Variants in FLRT2 observed in about 807,000 individuals in gnomAD.
The protein encoded by FLRT2 is fibronectin leucine rich transmembrane protein 2, also known as leucine-rich repeat transmembrane protein FLRT2.
In FLRT2, 15 loss-of-function variants were observed where a neutral mutation model predicts 40.0. The observed-to-expected ratio is 0.38, with a 90% CI of 0.25 to 0.58. The LOEUF is 0.58. FLRT2 is among the 20% of genes least tolerant of loss of function. FLRT2 has a pLI of 0.71. For synonymous variants in FLRT2, 380 were observed against 336.8 expected (o/e 1.13, Z -1.41); for missense variants, 726 against 840.0 (o/e 0.86, Z 1.68).
chr14:85,606,074 A>C (rs887838276), intron 1 of FLRT2, among the ~76,000 whole-genome samples: 2 of 152,078 alleles, frequency 1.3e-5, no homozygotes, highest in Non-Finnish European at 2.9e-5. Flanking sequence ...ACCATGAGTA[A>C]CTCCTTTTTG....
At chr14:85,557,949 A>T (rs1257219702) in intron 1 of FLRT2, among the ~76,000 whole-genome samples, 1 of 151,928 alleles carries the variant, frequency 6.6e-6, no homozygotes, top group African/African-American at 2.4e-5. Flanking sequence ...TCAAACTGGG[A>T]TCTTTTTCAG....
chr14:85,600,457 GCC>G (rs893796676), intron 1 of FLRT2, among the ~76,000 whole-genome samples: 14 of 152,168 alleles, frequency 9.2e-5, no homozygotes, highest in Admixed American at 4.6e-4. Context: ...TATGAGGACT[GCC>G]CACGTTTATG....
At position 85,649,736 on chromosome 14, in the gene FLRT2, A is replaced by G. The variant is rs894180170; in HGVS notation, c.*26239A>G. On this transcript the variant is annotated 3_prime_UTR_variant, in exon 2 of 2. Coordinates refer to ENST00000330753, the MANE Select transcript of FLRT2 (RefSeq NM_013231.6). ...TTATATCATTAATATTTTTGTGTCA[A>G]TGGTGAGTTCTTCTTTTTTCTTTAC... The G allele has an allele frequency of 6.6e-6, 1 of 152,066 alleles. No homozygotes were observed. The highest frequency in any genetic ancestry group is 6.6e-5 in the Admixed American group (1 of 15,242). 9.4% of individuals were successfully genotyped at this position (152,066 alleles called of 1,614,324 possible).
intron 1 of FLRT2, among the ~76,000 whole-genome samples, chr14:85,590,327 T>G (rs66962471): frequency 0.3 from 45,426 of 152,060 alleles, 7,529 homozygotes; most frequent in African/African-American, 0.44. Flanking sequence ...TCCTTCCTCT[T>G]AACCCATGTG....
intron 1 of FLRT2, among the ~76,000 whole-genome samples, chr14:85,585,640 T>A: frequency 6.6e-6 from 1 of 152,210 alleles, no homozygotes; most frequent in East Asian, 1.9e-4. Context: ...ATTTGTATTG[T>A]ATTTCTTTAT....
intron 1 of FLRT2, among the ~76,000 whole-genome samples, chr14:85,575,999 G>A (rs1891112372): frequency 6.6e-6 from 1 of 152,040 alleles, no homozygotes; most frequent in African/African-American, 2.4e-5. Context: ...CATTTGTGAG[G>A]GTATATTCTA....
intron 1 of FLRT2, among the ~76,000 whole-genome samples, chr14:85,538,332 A>T (rs1333020754): frequency 6.6e-6 from 1 of 152,190 alleles, no homozygotes; most frequent in African/African-American, 2.4e-5. Context: ...TATTCTGCTG[A>T]TACTTACTAA....
intron 1 of FLRT2, among the ~76,000 whole-genome samples, chr14:85,545,983 G>A (rs1440694648): frequency 6.6e-6 from 1 of 152,168 alleles, no homozygotes; most frequent in Non-Finnish European, 1.5e-5. Context: ...CAGCTTCACT[G>A]GTTTTCAAAA....
chr14:85,570,111 C>T (rs192354392), intron 1 of FLRT2, among the ~76,000 whole-genome samples: 20 of 152,328 alleles, frequency 1.3e-4, no homozygotes, highest in Admixed American at 2.6e-4. Context: ...ACAGCCATCA[C>T]CCAAGAGGGT....
chr14:85,608,069 T>G (rs1892702821), intron 1 of FLRT2, among the ~76,000 whole-genome samples: 1 of 152,064 alleles, frequency 6.6e-6, no homozygotes, highest in Non-Finnish European at 1.5e-5. Flanking sequence ...CCACCTTAAT[T>G]ACTTTATTTT....
chr14:85,653,669 T>C lies in FLRT2; in HGVS notation c.*30172T>C, dbSNP rs1448699431. The C allele has an allele frequency of 6.6e-6, 1 of 152,140 alleles. No homozygotes were observed. Among genetic ancestry groups the C allele is most frequent in the African/African-American group, 2.4e-5 (1 of 41,410 alleles). 9.4% of individuals were successfully genotyped at this position (152,140 alleles called of 1,614,324 possible). A position where few individuals can be genotyped will look rare whatever the true frequency, so the allele number is the denominator to read the frequency against. On this transcript the variant is annotated 3_prime_UTR_variant, in exon 2 of 2. Transcript: ENST00000330753. Reference sequence around the variant, plus strand: ...AGAGAGCCCACACGGAGACTGGAGATGTAGACTATTAAGAGCACTCAGCCA... The same window carrying C: ...AGAGAGCCCACACGGAGACTGGAGACGTAGACTATTAAGAGCACTCAGCCA...
At position 85,652,323 on chromosome 14, in the gene FLRT2, T is replaced by C. The variant is rs1199404369; in HGVS notation, c.*28826T>C. ...AATATTTATATTGAGAAGCAACTTT[T>C]TTAATTGTTTGGGGAAAGACTTCTA... On this transcript the variant is annotated 3_prime_UTR_variant, in exon 2 of 2. Transcript: ENST00000330753. 6.6e-6 allele frequency: 1 copy of C among 152,116 alleles called. No individual in the cohort carries two copies. The highest frequency in any genetic ancestry group is 1.9e-4 in the East Asian group (1 of 5,190). 9.4% of individuals were successfully genotyped at this position (152,116 alleles called of 1,614,324 possible).
rs58036695 is a variant in FLRT2, at chr14:85,643,682, T to C, written c.*20185T>C. On this transcript the variant is annotated 3_prime_UTR_variant, in exon 2 of 2. Transcript: ENST00000330753. Reference sequence around the variant, plus strand: ...CGCTGGGTTTACAGGCGTGAGCCATTGCACCTGGCCAGAGGGTGTTTCTTT... The same window carrying C: ...CGCTGGGTTTACAGGCGTGAGCCATCGCACCTGGCCAGAGGGTGTTTCTTT... 0.22 allele frequency: 33,711 copies of C among 151,974 alleles called. 3,920 individuals carry two copies. The highest frequency in any genetic ancestry group is 0.3 in the East Asian group (1,526 of 5,144). 9.4% of individuals were successfully genotyped at this position (151,974 alleles called of 1,614,324 possible).
At position 85,639,585 on chromosome 14, in the gene FLRT2, T is replaced by C. The variant is rs1314913670; in HGVS notation, c.*16088T>C. On this transcript the variant is annotated 3_prime_UTR_variant, in exon 2 of 2. Transcript: ENST00000330753. ...ATTGATTTATCTCAATCTTCTTGTA[T>C]AGCTGCTGAATTTTCTCTCATGAGT... 2 of 152,188 alleles carry C rather than the reference T, an allele frequency of 1.3e-5. No individual in the cohort carries two copies. Among genetic ancestry groups the C allele is most frequent in the African/African-American group, 2.4e-5 (1 of 41,456 alleles). The allele number at this position is 152,188 out of a possible 1,614,324, so 9.4% of individuals were successfully genotyped here.
rs1362561410 is a variant in FLRT2 at position 85,636,422 on chromosome 14, T to A, written c.*12925T>A. The A allele has an allele frequency of 4.7e-5, 7 of 148,242 alleles. No individual in the cohort carries two copies. The highest frequency in any genetic ancestry group is 2.1e-4 in the South Asian group (1 of 4,716). 9.2% of individuals were successfully genotyped at this position (148,242 alleles called of 1,614,324 possible). On this transcript the variant is annotated 3_prime_UTR_variant, in exon 2 of 2. Coordinates refer to ENST00000330753, the MANE Select transcript of FLRT2 (RefSeq NM_013231.6). ...AAAAAAAAAAAACAAAAAACATTCT[T>A]ATTAATCTTAACTAATTTTCTTTAG...
rs1056711928 is a variant in FLRT2 at position 85,650,240 on chromosome 14, G to A, written c.*26743G>A. The A allele has an allele frequency of 6.6e-5, 10 of 151,664 alleles. No individual in the cohort carries two copies. The highest frequency in any genetic ancestry group is 2.4e-4 in the African/African-American group (10 of 41,322). The allele number at this position is 151,664 out of a possible 1,614,324, so 9.4% of individuals were successfully genotyped here. A position where few individuals can be genotyped will look rare whatever the true frequency, so the allele number is the denominator to read the frequency against. ...ATCATTCTACATTTTGCTATTTTGT[G>A]TTCAATATCCTGTTGTCGAAACATT... On this transcript the variant is annotated 3_prime_UTR_variant, in exon 2 of 2. Transcript: ENST00000330753.
rs1395258320 is a variant in FLRT2, at chr14:85,636,236, C to T, written c.*12739C>T. 2.6e-5 allele frequency: 4 copies of T among 151,460 alleles called. No individual in the cohort carries two copies. The highest frequency in any genetic ancestry group is 9.7e-5 in the African/African-American group (4 of 41,216). 9.4% of individuals were successfully genotyped at this position (151,460 alleles called of 1,614,324 possible). ...AATATTATGCTACCTCTATAAAGGA[C>T]CAAAATAGTATTTTTAAAAGAATTT... On this transcript the variant is annotated 3_prime_UTR_variant, in exon 2 of 2. Transcript: ENST00000330753.
Position 85,650,264 on chromosome 14 carries a change from T to C in FLRT2, c.*26767T>C, listed in dbSNP as rs1894403150. 6.6e-6 allele frequency: 1 copy of C among 152,028 alleles called. No individual in the cohort carries two copies. 9.4% of individuals were successfully genotyped at this position (152,028 alleles called of 1,614,324 possible). A position where few individuals can be genotyped will look rare whatever the true frequency, so the allele number is the denominator to read the frequency against. ...TGTTCAATATCCTGTTGTCGAAACATTTCCATGTTCCTTTAATTCATTCAT... is the reference window on the plus strand; with the variant it reads ...TGTTCAATATCCTGTTGTCGAAACACTTCCATGTTCCTTTAATTCATTCAT... On this transcript the variant is annotated 3_prime_UTR_variant, in exon 2 of 2. Coordinates refer to ENST00000330753, the MANE Select transcript of FLRT2 (RefSeq NM_013231.6).
intron 1 of FLRT2, among the ~76,000 whole-genome samples, chr14:85,592,842 G>A (rs1891963574): frequency 6.7e-6 from 1 of 149,738 alleles, no homozygotes; most frequent in African/African-American, 2.5e-5. Context: ...CATGAATTCT[G>A]TACCTGTTCA....
Sources: allele counts gnomAD v4.1 joint callset (sites outside exome capture counted in the v4.1 genomes callset), GRCh38; gene constraint gnomAD v4.1.1; transcripts MANE v1.5; gene names NCBI Gene and HGNC (gene_info 2026-07-23, HGNC 2026-07-21).